Variants in ATXN1 observed in about 807,000 individuals in gnomAD.
ATXN1 encodes ataxin 1, also known as ataxin-1.
A neutral mutation model predicts 56.4 loss-of-function variants in ATXN1; 8 were observed. The ratio of observed to expected loss-of-function variants is 0.14; its 90% CI spans 0.08 to 0.26. ATXN1 has a LOEUF of 0.26. ATXN1 is among the 10% of genes least tolerant of loss of function. The probability of loss-of-function intolerance (pLI) is 1.00; values close to 1 mark genes in which losing one functional copy is unlikely to be tolerated. For missense variants in ATXN1, 987 were observed against 1,106.5 expected, an observed-to-expected ratio of 0.89 and a Z score of 1.53; for synonymous variants, 514 against 494.6, an observed-to-expected ratio of 1.04 and a Z score of -0.52.
chr6:16,605,282 C>T (rs533118220), intron 3 of ATXN1, among the ~76,000 whole-genome samples: 7 of 152,304 alleles, frequency 4.6e-5, no homozygotes, highest in Non-Finnish European at 8.8e-5. Flanking sequence ...AATTGCAGAA[C>T]TTGGGAGCTA....
chr6:16,497,318 G>GA lies in ATXN1; in HGVS notation c.-298-11210dup, dbSNP rs570573683. On this transcript the variant is annotated intron_variant, in intron 5 of 7. Transcript: ENST00000436367. ...AATCATAATAAGACTGATGTAAAAA[G>GA]AAAAAAAAAAAAGATTCCCATTCCT... Among the ~76,000 whole-genome samples the GA allele has an allele frequency of 8.4e-4, 103 of 123,280 alleles. 2 individuals carry two copies. In the South Asian group the frequency reaches 0.01, roughly 12 times the overall value. 80.9% of individuals were successfully genotyped at this position (123,280 alleles called of 152,430 possible). A position where few individuals can be genotyped will look rare whatever the true frequency, so the allele number is the denominator to read the frequency against.
At chr6:16,606,817 C>T (rs1202807948) in intron 3 of ATXN1, among the ~76,000 whole-genome samples, 1 of 137,668 alleles carries the variant, frequency 7.3e-6, no homozygotes, top group African/African-American at 2.6e-5. Flanking sequence ...CATGAGCCAT[C>T]ACGCCCGGCC....
intron 6 of ATXN1, among the ~76,000 whole-genome samples, chr6:16,442,106 T>A (rs1013993687): frequency 1.1e-4 from 17 of 152,120 alleles, no homozygotes; most frequent in African/African-American, 4.1e-4. Context: ...GAGTTACCTA[T>A]AAGGGACAGA....
At chr6:16,431,906 T>G (rs1310708208) in intron 6 of ATXN1, among the ~76,000 whole-genome samples, 1 of 152,208 alleles carries the variant, frequency 6.6e-6, no homozygotes, top group Non-Finnish European at 1.5e-5. Flanking sequence ...AGCAGATTCC[T>G]TAGCCTGCTT....
intron 3 of ATXN1, among the ~76,000 whole-genome samples, chr6:16,630,786 G>C (rs1763490444): frequency 1.3e-5 from 2 of 152,300 alleles, no homozygotes; most frequent in South Asian, 4.1e-4. Context: ...AAAGGAATCT[G>C]TTCACAGAGA....
intron 2 of ATXN1, among the ~76,000 whole-genome samples, chr6:16,674,911 T>C (rs997644010): frequency 6.6e-6 from 1 of 152,186 alleles, no homozygotes; most frequent in African/African-American, 2.4e-5. Flanking sequence ...TAAACAAACA[T>C]GTGAAAAGAT....
At chr6:16,424,263 A>T (rs1759096287) in intron 6 of ATXN1, among the ~76,000 whole-genome samples, 1 of 152,172 alleles carries the variant, frequency 6.6e-6, no homozygotes, top group African/African-American at 2.4e-5. Context: ...TCAAGGGACG[A>T]GAGGGAAGAA....
intron 7 of ATXN1, among the ~76,000 whole-genome samples, chr6:16,311,292 G>C (rs1044101832): frequency 6.6e-6 from 1 of 152,180 alleles, no homozygotes; most frequent in Admixed American, 6.5e-5. Flanking sequence ...TAGCTAATGG[G>C]TTTAGGATTT....
chr6:16,655,968 T>C (rs1758192708), intron 3 of ATXN1, among the ~76,000 whole-genome samples: 1 of 151,564 alleles, frequency 6.6e-6, no homozygotes, highest in Non-Finnish European at 1.5e-5. Context: ...CACGCATCTG[T>C]AGTCCCAGCT....
Position 16,760,915 on chromosome 6 carries a change from C to T in ATXN1, c.-730+383G>A, listed in dbSNP as rs1386318346. On this transcript the variant is annotated intron_variant, in intron 1 of 7. Transcript: ENST00000436367. This position sits in a 1 kb window ranked among gnomAD's most constrained non-coding sequence, Gnocchi z 5.3. Reference sequence around the variant, plus strand: ...GGGGGAGCGGGGCGCCGCCGCCGCTCTCCCCGCCCGCGCCCCCCGCCCGGG... The same window carrying T: ...GGGGGAGCGGGGCGCCGCCGCCGCTTTCCCCGCCCGCGCCCCCCGCCCGGG... Among the ~76,000 whole-genome samples the T allele has an allele frequency of 2.7e-5, 4 of 148,500 alleles. No individual in the cohort carries two copies. Among genetic ancestry groups the T allele is most frequent in the African/African-American group, 7.4e-5 (3 of 40,784 alleles).
chr6:16,733,021 T>A (rs900787535), intron 2 of ATXN1, among the ~76,000 whole-genome samples: 1 of 152,218 alleles, frequency 6.6e-6, no homozygotes, highest in South Asian at 2.1e-4. Context: ...TGTAGTGAAT[T>A]ATTCAAACAT....
At chr6:16,404,709 C>G (rs1472820779) in intron 6 of ATXN1, among the ~76,000 whole-genome samples, 1 of 132,040 alleles carries the variant, frequency 7.6e-6, no homozygotes, top group African/African-American at 3.8e-5. Context: ...CGCGCGCACA[C>G]ACGCACACAC....
At chr6:16,726,836 C>T (rs929211194) in intron 2 of ATXN1, among the ~76,000 whole-genome samples, 1 of 151,940 alleles carries the variant, frequency 6.6e-6, no homozygotes, top group Non-Finnish European at 1.5e-5. Flanking sequence ...CCAGCCTGGG[C>T]GACAAGAGCG....
At chr6:16,357,808 C>G (rs1396882330) in intron 6 of ATXN1, among the ~76,000 whole-genome samples, 1 of 152,118 alleles carries the variant, frequency 6.6e-6, no homozygotes, top group Non-Finnish European at 1.5e-5. Context: ...TGGGAGCTCT[C>G]AGGTGGGAAT....
chr6:16,711,587 A>T (rs1439344871), intron 2 of ATXN1, among the ~76,000 whole-genome samples: 1 of 99,958 alleles, frequency 1.0e-5, no homozygotes, highest in Non-Finnish European at 2.0e-5. Context: ...AGTTCACAAA[A>T]TAAAAAAAAA....
chr6:16,585,628 C>T (rs1466489371), intron 4 of ATXN1, among the ~76,000 whole-genome samples, 152 bp downstream of exon 4: 8 of 152,068 alleles, frequency 5.3e-5, no homozygotes, highest in Admixed American at 4.6e-4. Flanking sequence ...ATAAAAGAGA[C>T]AGTAGGAAAA....
intron 3 of ATXN1, among the ~76,000 whole-genome samples, chr6:16,603,153 G>C (rs1444834967): frequency 6.6e-6 from 1 of 152,178 alleles, no homozygotes; most frequent in Non-Finnish European, 1.5e-5. Flanking sequence ...ACCTGGGACA[G>C]CATGATTCTT....
In ATXN1 at chr6:16,729,967, T is replaced by C. The variant is rs114963928; in HGVS notation, c.-615+23266A>G. On this transcript the variant is annotated intron_variant, in intron 2 of 7. Transcript: ENST00000436367. ...AATGAAAAACCTCTCATCTCAGAGA[T>C]GGCAACAGATTAAAAAAAGAAACTT... 2.7e-4 allele frequency among the ~76,000 whole-genome samples: 41 copies of C among 152,248 alleles called. 1 individual carries two copies. The highest frequency in any genetic ancestry group is 8.7e-4 in the African/African-American group (36 of 41,530).
intron 6 of ATXN1, among the ~76,000 whole-genome samples, chr6:16,383,730 A>C (rs6920639): frequency 0.38 from 57,643 of 152,076 alleles, 12,313 homozygotes; most frequent in East Asian, 0.96. Flanking sequence ...GGAATGGAGG[A>C]ACGAGGACAT....
Sources: gnomAD v4.1 joint callset for allele counts (sites outside exome capture counted in the v4.1 genomes callset) on GRCh38, gnomAD v4.1.1 for gene constraint, Gnocchi (gnomAD v3.1) non-coding constraint, MANE v1.5 for transcripts, NCBI Gene and HGNC (gene_info 2026-07-23, HGNC 2026-07-21) for gene names.